The following EVI5L variants were observed in gnomAD, a reference collection of about 807,000 sequenced individuals.
The protein encoded by EVI5L is EVI5-like protein.
In EVI5L, 30 loss-of-function variants were observed where a neutral mutation model predicts 106.1. The observed-to-expected ratio is 0.28, with a 90% CI of 0.21 to 0.38. EVI5L has a LOEUF of 0.38. Ranked by LOEUF, EVI5L falls within the 10% of genes least tolerant of loss-of-function variation. EVI5L has a pLI of 1.00. For missense variants in EVI5L, 809 were observed against 1,098.0 expected, an observed-to-expected ratio of 0.74 and a Z score of 3.72; for synonymous variants, 489 against 483.3, an observed-to-expected ratio of 1.01 and a Z score of -0.15.
In EVI5L at chr19:7,863,942, G is replaced by C; in HGVS notation, c.*240G>C. The C allele has an allele frequency of 2.0e-6, 1 of 498,456 alleles. No individual in the cohort carries two copies. Among genetic ancestry groups the C allele is most frequent in the Non-Finnish European group, 3.4e-6 (1 of 295,746 alleles). The allele number at this position is 498,456 out of a possible 1,614,324, so 30.9% of individuals were successfully genotyped here. ...TACCCATCTTGGTCTGTACCCCTCC[G>C]GGCCCTCTGGCGTTCCAGGGGTGCC... On this transcript the variant is annotated 3_prime_UTR_variant, in exon 20 of 20. Coordinates refer to ENST00000538904, the MANE Select transcript of EVI5L (RefSeq NM_001159944.3). This position sits in a 1 kb window ranked among gnomAD's most constrained non-coding sequence, Gnocchi z 7.7.
intron 5 of EVI5L, among the ~76,000 whole-genome samples, chr19:7,849,749 C>T (rs1267106403): frequency 1.3e-5 from 2 of 152,152 alleles, no homozygotes; most frequent in African/African-American, 4.8e-5. Flanking sequence ...CTGGCAGTGG[C>T]CAGCCCTGGG....
At chr19:7,840,217 G>A (rs940821286) in intron 1 of EVI5L, among the ~76,000 whole-genome samples, 6 of 152,284 alleles carry the variant, frequency 3.9e-5, no homozygotes, top group African/African-American at 1.4e-4. Context: ...AGTGGCTCAC[G>A]CCTGTAATCC....
At chr19:7,849,656 T>C (rs1555693074) in intron 5 of EVI5L, among the ~76,000 whole-genome samples, 1 of 152,054 alleles carries the variant, frequency 6.6e-6, no homozygotes, top group Non-Finnish European at 1.5e-5. Flanking sequence ...TTATGGGGCT[T>C]GGGGGTCTCC....
At chr19:7,843,887 G>A (rs924919207) in intron 1 of EVI5L, among the ~76,000 whole-genome samples, 4 of 152,058 alleles carry the variant, frequency 2.6e-5, no homozygotes, top group Non-Finnish European at 4.4e-5. Flanking sequence ...GGGATGAGTG[G>A]AGAGAAAGTT....
rs766394189 is a variant in EVI5L at position 7,851,511 on chromosome 19, C to G, written c.831C>G (p.Leu277=). The change falls in exon 7 of 20, where the codon CTC becomes CTG. Residue 277 remains leucine, a synonymous_variant. Coordinates refer to ENST00000538904, the MANE Select transcript of EVI5L (RefSeq NM_001159944.3). ...HTSMYASSWF[L]TLFLTTFPLP... ...CCATGTATGCCTCGTCCTGGTTCCT[C>G]ACACTGTTCCTGACCACCTTCCCAC... 6.2e-7 allele frequency: 1 copy of G among 1,613,558 alleles called. No individual in the cohort carries two copies.
intron 1 of EVI5L, among the ~76,000 whole-genome samples, chr19:7,841,761 G>A (rs1347167700): frequency 1.3e-5 from 2 of 152,252 alleles, no homozygotes; most frequent in African/African-American, 2.4e-5. Context: ...TGCCCATCCA[G>A]CATAGGGAGA....
rs1979501778 is a variant in EVI5L at position 7,856,002 on chromosome 19, C to A, written c.1147-13C>A. Reference sequence around the variant, plus strand: ...GGGGCGGGCTATGACGTGATCTCCCCCCACCCCCATAGAGACTTCGGACGG... The same window carrying A: ...GGGGCGGGCTATGACGTGATCTCCCACCACCCCCATAGAGACTTCGGACGG... On this transcript the variant is annotated splice_polypyrimidine_tract_variant and intron_variant, in intron 10 of 19. Coordinates refer to ENST00000538904, the MANE Select transcript of EVI5L (RefSeq NM_001159944.3). This position sits in a 1 kb window ranked among gnomAD's most constrained non-coding sequence, Gnocchi z 6.6. The A allele has an allele frequency of 2.3e-6, 3 of 1,327,200 alleles. No homozygotes were observed. The African/African-American group carries it at 4.5e-5, about 20-fold the overall frequency. The allele number at this position is 1,327,200 out of a possible 1,614,324, so 82.2% of individuals were successfully genotyped here. A position where few individuals can be genotyped will look rare whatever the true frequency, so the allele number is the denominator to read the frequency against.
Position 7,848,028 on chromosome 19 carries a change from A to ATCTCCACT in EVI5L, c.327+107_327+108insTCTCCACT. Reference sequence around the variant, plus strand: ...GTCTGCGGGGCCCCAGCCTGGGCACAGCGGCAGCAGTGGAGATGTGCAGGC... The same window carrying ATCTCCACT: ...GTCTGCGGGGCCCCAGCCTGGGCACATCTCCACTGCGGCAGCAGTGGAGATGTGCAGGC... On this transcript the variant is annotated intron_variant, in intron 3 of 19. Coordinates refer to ENST00000538904, the MANE Select transcript of EVI5L (RefSeq NM_001159944.3). The surrounding 1 kb of genome is among the most constrained non-coding windows in gnomAD (Gnocchi z 4.8). 1 of 1,225,850 alleles carries ATCTCCACT rather than the reference A, an allele frequency of 8.2e-7. No homozygotes were observed. Among genetic ancestry groups the ATCTCCACT allele is most frequent in the Non-Finnish European group, 1.1e-6 (1 of 900,250 alleles). The allele number at this position is 1,225,850 out of a possible 1,614,324, so 75.9% of individuals were successfully genotyped here. A position where few individuals can be genotyped will look rare whatever the true frequency, so the allele number is the denominator to read the frequency against.
Position 7,863,461 on chromosome 19 carries a change from C to A in EVI5L, c.2177C>A (p.Pro726Gln). 1 of 1,561,672 alleles carries A rather than the reference C, an allele frequency of 6.4e-7. No homozygotes were observed. Among genetic ancestry groups the A allele is most frequent in the Non-Finnish European group, 8.7e-7 (1 of 1,154,560 alleles). Residue 726 changes from proline to glutamine, a missense_variant, in exon 20 of 20, where the codon CCG becomes CAG. Coordinates refer to ENST00000538904, the MANE Select transcript of EVI5L (RefSeq NM_001159944.3). This position sits in a 1 kb window ranked among gnomAD's most constrained non-coding sequence, Gnocchi z 7.7. ...LLKGPPPFED[P>Q]LAFDGLSLAR... The stretch of plus-strand genomic sequence containing the variant: ...AAGGGCCCGCCGCCCTTCGAGGACC[C>A]GCTGGCTTTCGATGGGCTGAGCCTG...
intron 2 of EVI5L, 69 bp from the exon 3 acceptor site, chr19:7,847,663 G>T: frequency 6.5e-7 from 1 of 1,545,346 alleles, no homozygotes; most frequent in Non-Finnish European, 8.8e-7. Flanking sequence ...GGGAGGATGG[G>T]CTGGGCTCGC....
rs944027311 is a variant in EVI5L, at chr19:7,854,294, A to G, written c.1146+961A>G. Among the ~76,000 whole-genome samples the G allele has an allele frequency of 2.3e-5, 3 of 128,880 alleles. No individual in the cohort carries two copies. In the Admixed American group the frequency reaches 2.6e-4, roughly 11 times the overall value. 84.6% of individuals were successfully genotyped at this position (128,880 alleles called of 152,430 possible). On this transcript the variant is annotated intron_variant, in intron 10 of 19. Coordinates refer to ENST00000538904, the MANE Select transcript of EVI5L (RefSeq NM_001159944.3). The stretch of plus-strand genomic sequence containing the variant: ...GAGACTGTGTCTCAAAAAAAAAAAA[A>G]AAAGAAAAGAAAAGAAAAAAAACAT...
intron 17 of EVI5L, 37 bp from the exon 18 acceptor site, chr19:7,862,933 CTG>C: frequency 7.2e-7 from 1 of 1,394,322 alleles, no homozygotes; most frequent in Non-Finnish European, 9.7e-7. Context: ...GCCGCGCCCC[CTG>C]ACCCGCCCTC....
chr19:7,834,872 T>A (rs1462644735), intron 1 of EVI5L, among the ~76,000 whole-genome samples: 1 of 152,076 alleles, frequency 6.6e-6, no homozygotes, highest in Admixed American at 6.6e-5. Context: ...ACGCCTATAA[T>A]CCCAGCACTT....
intron 2 of EVI5L, among the ~76,000 whole-genome samples, chr19:7,847,403 C>G (rs1979003008): frequency 6.6e-6 from 1 of 152,126 alleles, no homozygotes; most frequent in Non-Finnish European, 1.5e-5. Flanking sequence ...GCCCGACCAA[C>G]ATGGTGAAAC....
intron 1 of EVI5L, among the ~76,000 whole-genome samples, chr19:7,830,616 C>G (rs1978290352): frequency 6.7e-6 from 1 of 148,336 alleles, no homozygotes; most frequent in Admixed American, 6.7e-5. Context: ...CTCCCCCACT[C>G]CGTCCCCTCC....
intron 10 of EVI5L, among the ~76,000 whole-genome samples, chr19:7,855,070 T>A (rs142951838): frequency 3.3e-5 from 5 of 151,424 alleles, no homozygotes; most frequent in Admixed American, 2.6e-4. Context: ...CCTCACCTGC[T>A]CCCCAGAGTG....
Position 7,847,909 on chromosome 19 carries a change from G to A in EVI5L, c.315G>A (p.Glu105=), listed in dbSNP as rs1979035661. The change falls in exon 3 of 20, where the codon GAG becomes GAA. Residue 105 remains glutamate, a synonymous_variant. Coordinates refer to ENST00000538904, the MANE Select transcript of EVI5L (RefSeq NM_001159944.3). ...GGGAGGAGTGGCGGCGCAGGAAGGA[G>A]AAGCTGCTCAAGGTGGGGGGCGGCC... ...NEWEEWRRRK[E]KLLKELIRKG... is the part of the protein sequence containing the mutation. 1 of 1,553,008 alleles carries A rather than the reference G, an allele frequency of 6.4e-7. No homozygotes were observed. Among genetic ancestry groups the A allele is most frequent in the South Asian group, 1.2e-5 (1 of 85,114 alleles).
intron 1 of EVI5L, among the ~76,000 whole-genome samples, chr19:7,832,820 G>C (rs1978299438): frequency 6.6e-6 from 1 of 152,182 alleles, no homozygotes; most frequent in Admixed American, 6.5e-5. Context: ...GGAACAGGGT[G>C]GGCATGAGGG....
At chr19:7,840,977 G>T (rs1978574930) in intron 1 of EVI5L, among the ~76,000 whole-genome samples, 1 of 152,176 alleles carries the variant, frequency 6.6e-6, no homozygotes, top group Non-Finnish European at 1.5e-5. Flanking sequence ...TTTGCCAGGT[G>T]GCGTGGTGAC....
Sources: allele counts gnomAD v4.1 joint callset (sites outside exome capture counted in the v4.1 genomes callset), GRCh38; gene constraint gnomAD v4.1.1; non-coding constraint Gnocchi (gnomAD v3.1); transcripts MANE v1.5; gene names NCBI Gene and HGNC (gene_info 2026-07-23, HGNC 2026-07-21).